Variants in FAM163A observed in about 807,000 individuals in gnomAD.
FAM163A encodes the protein protein FAM163A.
Under a neutral mutation model 12.0 loss-of-function variants are expected in FAM163A, and 7 were observed. The observed-to-expected ratio is 0.58, with a 90% CI of 0.33 to 1.10. The LOEUF (loss-of-function observed/expected upper bound fraction) is 1.10. FAM163A is among the 50% of genes least tolerant of loss of function. The pLI is 0.03. For synonymous variants in FAM163A, 101 were observed against 91.0 expected, an observed-to-expected ratio of 1.11 and a Z score of -0.62; for missense variants, 202 against 218.6, an observed-to-expected ratio of 0.92 and a Z score of 0.48.
chr1:179,731,825 A>T, the FAM163A span, among the ~76,000 whole-genome samples: 1 of 152,238 alleles, frequency 6.6e-6, no homozygotes, highest in Non-Finnish European at 1.5e-5. Context: ...ATCATTGTAA[A>T]AGGCAAATAT....
chr1:179,784,802 G>A (rs1389484557), intron 1 of FAM163A, among the ~76,000 whole-genome samples: 1 of 152,178 alleles, frequency 6.6e-6, no homozygotes, highest in South Asian at 2.1e-4. Context: ...GATGCTGGGG[G>A]TGTGGAGTAT....
At chr1:179,759,187 C>A (rs557851161) in intron 1 of FAM163A, among the ~76,000 whole-genome samples, 9 of 152,114 alleles carry the variant, frequency 5.9e-5, no homozygotes, top group Non-Finnish European at 8.8e-5. Context: ...CAGGAGCATC[C>A]CTGGCCTCTG....
At chr1:179,737,491 G>C in the FAM163A span, among the ~76,000 whole-genome samples, 1 of 152,186 alleles carries the variant, frequency 6.6e-6, no homozygotes, top group African/African-American at 2.4e-5. Context: ...TTTGTTCAGA[G>C]GGTAGATCTC....
intron 2 of FAM163A, among the ~76,000 whole-genome samples, chr1:179,810,854 C>T (rs1694612077): frequency 6.6e-6 from 1 of 152,076 alleles, no homozygotes; most frequent in Non-Finnish European, 1.5e-5. Flanking sequence ...ACCAGCCTGG[C>T]CAACATGGTG....
chr1:179,729,936 G>C, the FAM163A span, among the ~76,000 whole-genome samples: 2 of 152,230 alleles, frequency 1.3e-5, no homozygotes, highest in African/African-American at 4.8e-5. Context: ...ACTGCTTTCT[G>C]GGTGCTGCAC....
At chr1:179,782,209 G>C (rs180712258) in intron 1 of FAM163A, among the ~76,000 whole-genome samples, 36 of 152,068 alleles carry the variant, frequency 2.4e-4, no homozygotes, top group African/African-American at 8.2e-4. Flanking sequence ...AGCTTTGATA[G>C]GCAGAGGCTG....
chr1:179,802,705 A>ACC (rs1693353177), intron 1 of FAM163A, among the ~76,000 whole-genome samples: 1 of 152,112 alleles, frequency 6.6e-6, no homozygotes, highest in Non-Finnish European at 1.5e-5. Context: ...GCTCCTGTAT[A>ACC]CCCACATCTG....
At chr1:179,756,050 G>C (rs943088769) in intron 1 of FAM163A, among the ~76,000 whole-genome samples, 7 of 152,144 alleles carry the variant, frequency 4.6e-5, no homozygotes, top group African/African-American at 1.7e-4. Context: ...TTCCTTTTGG[G>C]CATCTACTCT....
At chr1:179,795,001 C>A (rs1692069929) in intron 1 of FAM163A, among the ~76,000 whole-genome samples, 1 of 152,136 alleles carries the variant, frequency 6.6e-6, no homozygotes, top group South Asian at 2.1e-4. Flanking sequence ...GAACTCTAAC[C>A]ACCACCACCT....
intron 1 of FAM163A, among the ~76,000 whole-genome samples, chr1:179,769,080 A>G (rs1276503719): frequency 6.6e-6 from 1 of 152,184 alleles, no homozygotes; most frequent in Non-Finnish European, 1.5e-5. Context: ...TATGGATGAA[A>G]CTAGGCTGGG....
Position 179,815,142 on chromosome 1 carries a change from C to CAT in FAM163A, c.*954_*955insTA, listed in dbSNP as rs1186020277. ...ACACACACACACACACACACACACACACACACACAGTAACCACGGGTAGGC... is the reference window on the plus strand; with the variant it reads ...ACACACACACACACACACACACACACATACACACACAGTAACCACGGGTAGGC... On this transcript the variant is annotated 3_prime_UTR_variant, in exon 5 of 5. Coordinates refer to ENST00000341785, the MANE Select transcript of FAM163A (RefSeq NM_173509.3). The CAT allele has an allele frequency of 1.3e-5, 2 of 155,986 alleles. No individual in the cohort carries two copies. The highest frequency in any genetic ancestry group is 2.8e-5 in the Non-Finnish European group (2 of 71,692). The allele number at this position is 155,986 out of a possible 1,614,324, so 9.7% of individuals were successfully genotyped here. A position where few individuals can be genotyped will look rare whatever the true frequency, so the allele number is the denominator to read the frequency against.
chr1:179,808,541 AG>A (rs1167990964), intron 2 of FAM163A, among the ~76,000 whole-genome samples: 2 of 152,238 alleles, frequency 1.3e-5, no homozygotes, highest in African/African-American at 4.8e-5. Flanking sequence ...AATTGGCCAG[AG>A]GCCACCCTAG....
At chr1:179,766,737 C>G (rs1260384319) in intron 1 of FAM163A, among the ~76,000 whole-genome samples, 1 of 150,668 alleles carries the variant, frequency 6.6e-6, no homozygotes, top group Non-Finnish European at 1.5e-5. Context: ...CACTTCACTC[C>G]TTTTTACTTT....
At chr1:179,757,175 A>C (rs1686139395) in intron 1 of FAM163A, among the ~76,000 whole-genome samples, 1 of 152,120 alleles carries the variant, frequency 6.6e-6, no homozygotes, top group South Asian at 2.1e-4. Context: ...TATGAGTGGG[A>C]TGTGAGGAGA....
intron 1 of FAM163A, among the ~76,000 whole-genome samples, chr1:179,797,168 CA>C (rs1692443567): frequency 6.6e-6 from 1 of 152,200 alleles, no homozygotes; most frequent in South Asian, 2.1e-4. Flanking sequence ...TAAGATTTGC[CA>C]GGTGCGACGG....
At chr1:179,755,978 C>T (rs962261900) in intron 1 of FAM163A, among the ~76,000 whole-genome samples, 17 of 152,194 alleles carry the variant, frequency 1.1e-4, no homozygotes, top group African/African-American at 4.1e-4. Flanking sequence ...ACCCTTTACC[C>T]CAGGTGCTGA....
At chr1:179,777,286 CT>C (rs1329151470) in intron 1 of FAM163A, among the ~76,000 whole-genome samples, 1 of 152,196 alleles carries the variant, frequency 6.6e-6, no homozygotes, top group African/African-American at 2.4e-5. Flanking sequence ...TCAGCAAATG[CT>C]TGTCAAAAGC....
rs902864149 is a variant in FAM163A, at chr1:179,787,827, G to A, written c.-135-19971G>A. Among the ~76,000 whole-genome samples, 10 of 152,274 alleles carry A rather than the reference G, an allele frequency of 6.6e-5. No homozygotes were observed. In the South Asian group the frequency reaches 1.2e-3, roughly 19 times the overall value. ...GTGGCAGTTGTCCTGGTGGAGATTG[G>A]CAGTGCCCAAATCCAGATCACCATG... On this transcript the variant is annotated intron_variant, in intron 1 of 4. Coordinates refer to ENST00000341785, the MANE Select transcript of FAM163A (RefSeq NM_173509.3).
the FAM163A span, among the ~76,000 whole-genome samples, chr1:179,735,051 G>C: frequency 6.6e-6 from 1 of 152,166 alleles, no homozygotes; most frequent in Non-Finnish European, 1.5e-5. Context: ...GAATGCACCT[G>C]ACAAAGGGGT....
Sources: allele counts gnomAD v4.1 joint callset (sites outside exome capture counted in the v4.1 genomes callset), GRCh38; gene constraint gnomAD v4.1.1; transcripts MANE v1.5; gene names NCBI Gene and HGNC (gene_info 2026-07-23, HGNC 2026-07-21).